The following ALG3 variants were observed in gnomAD, a reference collection of about 807,000 sequenced individuals.
The protein encoded by ALG3 is ALG3 alpha-1,3- mannosyltransferase, also known as dol-P-Man:Man(5)GlcNAc(2)-PP-Dol alpha-1,3-mannosyltransferase.
In ALG3, 39 loss-of-function variants were observed where a neutral mutation model predicts 50.5. That is an observed-to-expected ratio of 0.77 (90% CI 0.60 to 1.01). The LOEUF is 1.01. ALG3 is among the 50% of genes least tolerant of loss of function. The pLI is 0.00. For synonymous variants in ALG3, 252 were observed against 237.2 expected, an observed-to-expected ratio of 1.06 and a Z score of -0.58; for missense variants, 520 against 554.8, an observed-to-expected ratio of 0.94 and a Z score of 0.63.
intron 1 of ALG3, among the ~76,000 whole-genome samples, chr3:184,247,907 G>T (rs1484049030): frequency 3.3e-5 from 5 of 150,718 alleles, no homozygotes; most frequent in Non-Finnish European, 5.9e-5. Flanking sequence ...GTGCAGTGGC[G>T]TGATCTCGGC....
rs577023416 is a variant in ALG3 at position 184,248,811 on chromosome 3, G to A, written c.130C>T (p.Leu44=). The change falls in exon 1 of 9, where the codon CTG becomes TTG. Residue 44 remains leucine, a synonymous_variant. Coordinates refer to ENST00000397676, the MANE Select transcript of ALG3 (RefSeq NM_005787.6). ...LLLREPRYTL[L]VAACLCLAEV... is the part of the protein sequence containing the mutation. Reference sequence around the variant, plus strand: ...GCCAGGCAGAGGCAGGCGGCCACCAGCAGCGTGTAGCGCGGCTCCCGCAGC... The same window carrying A: ...GCCAGGCAGAGGCAGGCGGCCACCAACAGCGTGTAGCGCGGCTCCCGCAGC... The A allele has an allele frequency of 1.3e-6, 2 of 1,589,942 alleles. No individual in the cohort carries two copies. The highest frequency in any genetic ancestry group is 2.3e-5 in the East Asian group (1 of 43,406).
rs980429701 is a variant in ALG3 at position 184,242,851 on chromosome 3, C to T, written c.1116G>A (p.Leu372=). ...TGAGCCAGCGTGCAGGCATGGCCCA[C>T]AGGAGGTAGGGCAGTGTGTGGAAAT... ...VWYFHTLPYL[L]WAMPARWLTH... is the part of the protein sequence containing the mutation. The change falls in exon 8 of 9, where the codon CTG becomes CTA. Residue 372 remains leucine (L), a synonymous_variant. Transcript: ENST00000397676. 10 of 1,613,784 alleles carry T rather than the reference C, an allele frequency of 6.2e-6. No individual in the cohort carries two copies. In the African/African-American group the frequency reaches 1.1e-4, roughly 17 times the overall value.
Position 184,242,437 on chromosome 3 carries a change from G to A in ALG3, c.*77C>T. On this transcript the variant is annotated 3_prime_UTR_variant, in exon 9 of 9. Transcript: ENST00000397676. ...GTTGCACAGAGTTGGACTTAGCAAGGTTTATTTGGAAGGGCAGAGTCCAAC... is the reference window on the plus strand; with the variant it reads ...GTTGCACAGAGTTGGACTTAGCAAGATTTATTTGGAAGGGCAGAGTCCAAC... The A allele has an allele frequency of 6.5e-7, 1 of 1,538,760 alleles. No homozygotes were observed. Among genetic ancestry groups the A allele is most frequent in the Non-Finnish European group, 8.8e-7 (1 of 1,131,558 alleles).
upstream of ALG3, chr3:184,249,044 G>A (rs1025225040): frequency 2.7e-5 from 41 of 1,511,102 alleles, no homozygotes; most frequent in Non-Finnish European, 3.6e-5. Context: ...GCTAAGCGCC[G>A]ATCCGAGTAG....
At chr3:184,243,001 G>C in intron 7 of ALG3, 44 bp from the exon 8 acceptor site, 2 of 1,606,784 alleles carry the variant, frequency 1.2e-6, no homozygotes, top group African/African-American at 1.3e-5. Flanking sequence ...GTGTGGGGGG[G>C]ACTATCCCAA....
intron 6 of ALG3, 78 bp from the exon 7 acceptor site, chr3:184,243,708 A>C: frequency 6.3e-7 from 1 of 1,596,904 alleles, no homozygotes; most frequent in East Asian, 2.2e-5. Flanking sequence ...AGCTTAACTG[A>C]CACTTCCCCC....
At chr3:184,246,167 T>G (rs1719139239) in intron 1 of ALG3, among the ~76,000 whole-genome samples, 1 of 152,170 alleles carries the variant, frequency 6.6e-6, no homozygotes, top group Admixed American at 6.5e-5. Flanking sequence ...TTCCTCACCG[T>G]AAATATCTCT....
upstream of ALG3, chr3:184,249,055 C>T: frequency 1.3e-6 from 2 of 1,501,640 alleles, no homozygotes; most frequent in Non-Finnish European, 1.8e-6. Context: ...ATCCGAGTAG[C>T]CAGTCTTCAT....
chr3:184,242,846 G>T lies in ALG3; in HGVS notation c.1121C>A (p.Ala374Asp). ...YFHTLPYLLW[A>D]MPARWLTHLL... is the part of the protein sequence containing the mutation. ...GTGTGTGAGCCAGCGTGCAGGCATG[G>T]CCCACAGGAGGTAGGGCAGTGTGTG... The change falls in exon 8 of 9, where the codon GCC becomes GAC. Residue 374 changes from alanine (A) to aspartate (D), a missense_variant. Coordinates refer to ENST00000397676, the MANE Select transcript of ALG3 (RefSeq NM_005787.6). The T allele has an allele frequency of 6.2e-7, 1 of 1,613,902 alleles. No homozygotes were observed. The highest frequency in any genetic ancestry group is 8.5e-7 in the Non-Finnish European group (1 of 1,179,894).
chr3:184,245,640 C>T (rs1221959150), intron 2 of ALG3, 25 bp from the exon 3 acceptor site: 16 of 1,611,512 alleles, frequency 9.9e-6, no homozygotes, highest in African/African-American at 2.7e-5. Context: ...AAAATGTGAG[C>T]CTGGGTCAGG....
At position 184,243,709 on chromosome 3, in the gene ALG3, C is replaced by T. The variant is rs1221247302; in HGVS notation, c.933-79G>A. 10 of 1,595,716 alleles carry T rather than the reference C, an allele frequency of 6.3e-6. No individual in the cohort carries two copies. The East Asian group carries it at 2.2e-4, about 36-fold the overall frequency. On this transcript the variant is annotated intron_variant, in intron 6 of 8. Coordinates refer to ENST00000397676, the MANE Select transcript of ALG3 (RefSeq NM_005787.6). The stretch of plus-strand genomic sequence containing the variant: ...AGACTCACCCCATGAGCTTAACTGA[C>T]ACTTCCCCCAAGCAGCCCCTAAGGC...
chr3:184,242,395 C>T lies in ALG3; in HGVS notation c.*119G>A. Reference sequence around the variant, plus strand: ...CACAGCCTGGACCAGGCATCGGCTGCCCCCACCTCCATGTAGGTTGCACAG... The same window carrying T: ...CACAGCCTGGACCAGGCATCGGCTGTCCCCACCTCCATGTAGGTTGCACAG... On this transcript the variant is annotated 3_prime_UTR_variant, in exon 9 of 9. Transcript: ENST00000397676. 4 of 1,283,410 alleles carry T rather than the reference C, an allele frequency of 3.1e-6. No individual in the cohort carries two copies. Among genetic ancestry groups the T allele is most frequent in the Non-Finnish European group, 4.4e-6 (4 of 905,840 alleles). The allele number at this position is 1,283,410 out of a possible 1,614,324, so 79.5% of individuals were successfully genotyped here. A position where few individuals can be genotyped will look rare whatever the true frequency, so the allele number is the denominator to read the frequency against.
intron 5 of ALG3, 21 bp downstream of exon 5, chr3:184,244,580 G>A: frequency 6.2e-7 from 1 of 1,603,330 alleles, no homozygotes; most frequent in Non-Finnish European, 8.5e-7. Flanking sequence ...ATTAGAAAGA[G>A]GAAGGGTGAG....
rs119103236 is a variant in ALG3, at chr3:184,245,291, C to T, written c.512G>A (p.Arg171Gln). Residue 171 changes from arginine to glutamine, a missense_variant, in exon 4 of 9, where the codon CGG becomes CAG. Physicochemically the swap from Arg to Gln is conservative, Grantham distance 43 (BLOSUM62 1). This residue lies in a region of ALG3 where 290 missense variants were observed against 265.9 expected (regional missense o/e 1.09). Transcript: ENST00000397676. The part of the protein sequence containing the change: ...SYRVHSIFVL[R>Q]LFNDPVAMVL... The stretch of plus-strand genomic sequence containing the variant: ...CATGGCCACTGGGTCATTGAAGAGC[C>T]GCAGCACAAAGATGGAGTGGACACG... 8.1e-5 allele frequency: 131 copies of T among 1,613,426 alleles called. No individual in the cohort carries two copies. Among genetic ancestry groups the T allele is most frequent in the Non-Finnish European group, 1.0e-4 (120 of 1,179,746 alleles).
Position 184,242,911 on chromosome 3 carries a change from G to A in ALG3, c.1056C>T (p.Phe352=), listed in dbSNP as rs1410345585. 1.9e-6 allele frequency: 3 copies of A among 1,613,858 alleles called. No homozygotes were observed. Among genetic ancestry groups the A allele is most frequent in the South Asian group, 1.1e-5 (1 of 91,082 alleles). ...AGAACTGGTAGTGGAGGGAGCGGCT[G>A]AAGCAGATGCCAATGAAGTTGGAGG... ...LFTSNFIGIC[F]SRSLHYQFYV... is the part of the protein sequence containing the mutation. Residue 352 remains phenylalanine, a synonymous_variant, in exon 8 of 9, where the codon TTC becomes TTT. Coordinates refer to ENST00000397676, the MANE Select transcript of ALG3 (RefSeq NM_005787.6).
At chr3:184,243,319 T>C in intron 7 of ALG3, 1 of 586,170 alleles carries the variant, frequency 1.7e-6, no homozygotes, top group East Asian at 2.8e-5. Context: ...AGAACATATG[T>C]AAATCTCTTA....
At chr3:184,247,585 G>A (rs1022907162) in intron 1 of ALG3, among the ~76,000 whole-genome samples, 12 of 151,630 alleles carry the variant, frequency 7.9e-5, no homozygotes, top group African/African-American at 2.4e-4. Context: ...GGCGTGTGCC[G>A]CTGCGCCCAG....
Position 184,245,682 on chromosome 3 carries a change from C to A in ALG3, c.296+31G>T, listed in dbSNP as rs1389838882. The stretch of plus-strand genomic sequence containing the variant: ...AGACTAGTACCTAACCAGCCCCTCA[C>A]ATCCTCCCTGAACTTCCTGTCCCCA... On this transcript the variant is annotated intron_variant, in intron 2 of 8. Transcript: ENST00000397676. 4.3e-6 allele frequency: 7 copies of A among 1,610,318 alleles called. No homozygotes were observed. In the Admixed American group the frequency reaches 1.2e-4, roughly 27 times the overall value.
rs1719338658 is a variant in ALG3 at position 184,248,822 on chromosome 3, C to T, written c.119G>A (p.Arg40His). 1.9e-6 allele frequency: 3 copies of T among 1,608,576 alleles called. No individual in the cohort carries two copies. Among genetic ancestry groups the T allele is most frequent in the South Asian group, 2.2e-5 (2 of 90,862 alleles). Residue 40 changes from arginine (R) to histidine (H), a missense_variant, in exon 1 of 9, where the codon CGC (arginine) becomes CAC (histidine). Physicochemically the swap from Arg to His is conservative, Grantham distance 29 (BLOSUM62 0). Around this residue, in one of 3 missense-constraint regions of ALG3, gnomAD observed 290 missense variants for 265.9 expected, o/e 1.09. Coordinates refer to ENST00000397676, the MANE Select transcript of ALG3 (RefSeq NM_005787.6). ...GCAGGCGGCCACCAGCAGCGTGTAG[C>T]GCGGCTCCCGCAGCAGCAGGCGCCG... is the stretch of plus-strand genomic sequence containing the variant. ...QERRLLLREP[R>H]YTLLVAACLC...
Sources: allele counts gnomAD v4.1 joint callset (sites outside exome capture counted in the v4.1 genomes callset), GRCh38; gene constraint gnomAD v4.1.1; regional missense constraint gnomAD v4.1.1; transcripts MANE v1.5; gene names NCBI Gene and HGNC (gene_info 2026-07-23, HGNC 2026-07-21).